Variants in CLSPN observed in about 807,000 individuals in gnomAD.
CLSPN encodes the protein claspin.
CLSPN carries 85 observed loss-of-function variants against 156.3 expected under a neutral mutation model. The ratio of observed to expected loss-of-function variants is 0.54; its 90% CI spans 0.46 to 0.65. The LOEUF (loss-of-function observed/expected upper bound fraction) is 0.65, where lower values mean the gene tolerates loss of function less well. CLSPN is among the 30% of genes least tolerant of loss of function. The pLI is 0.00. For missense variants in CLSPN, 1,407 were observed against 1,554.9 expected (o/e 0.90, Z 1.60); for synonymous variants, 534 against 542.4 (o/e 0.98, Z 0.22).
Position 35,733,497 on chromosome 1 carries a change from C to T in CLSPN, c.*2999G>A. The T allele has an allele frequency of 2.0e-6, 2 of 985,248 alleles. No homozygotes were observed. The highest frequency in any genetic ancestry group is 2.4e-6 in the Non-Finnish European group (2 of 829,884). 61.0% of individuals were successfully genotyped at this position (985,248 alleles called of 1,614,324 possible). On this transcript the variant is annotated 3_prime_UTR_variant, in exon 25 of 25. Coordinates refer to ENST00000318121, the MANE Select transcript of CLSPN (RefSeq NM_022111.4). The stretch of plus-strand genomic sequence containing the variant: ...TCCAATTGTCTTTTCTATCTCTCCT[C>T]AAAAGACATGTAGGGAAACAAGAGG...
chr1:35,734,714 A>G lies in CLSPN; in HGVS notation c.*1782T>C. ...AAGAAAAGAAAAGAAAAGAAAAAGA[A>G]AAAGAAAAGAAAAGAAAAACTGTAA... On this transcript the variant is annotated 3_prime_UTR_variant, in exon 25 of 25. Transcript: ENST00000318121. The G allele has an allele frequency of 1.0e-6, 1 of 958,782 alleles. No homozygotes were observed. 59.4% of individuals were successfully genotyped at this position (958,782 alleles called of 1,614,324 possible). A position where few individuals can be genotyped will look rare whatever the true frequency, so the allele number is the denominator to read the frequency against.
At position 35,769,964 on chromosome 1, in the gene CLSPN, T is replaced by C; in HGVS notation, c.-94A>G. 3.4e-6 allele frequency: 5 copies of C among 1,456,070 alleles called. No homozygotes were observed. Among genetic ancestry groups the C allele is most frequent in the Non-Finnish European group, 4.7e-6 (5 of 1,056,168 alleles). 90.2% of individuals were successfully genotyped at this position (1,456,070 alleles called of 1,614,324 possible). ...GCTCCCGCCGTCTCCAGCCCAGCAGTGCTGTTCTTGCTTTCCCGCCCAGCC... is the reference window on the plus strand; with the variant it reads ...GCTCCCGCCGTCTCCAGCCCAGCAGCGCTGTTCTTGCTTTCCCGCCCAGCC... On this transcript the variant is annotated 5_prime_UTR_variant, in exon 1 of 25. Transcript: ENST00000318121.
chr1:35,723,928 T>C (rs1641125844), intron 24 of CLSPN, among the ~76,000 whole-genome samples: 1 of 151,954 alleles, frequency 6.6e-6, no homozygotes, highest in African/African-American at 2.4e-5. Flanking sequence ...GAGGCAGAGG[T>C]TGCAGTGAGC....
rs1641418475 is a variant in CLSPN, at chr1:35,735,033, T to C, written c.*1463A>G. 1.0e-6 allele frequency: 1 copy of C among 985,300 alleles called. No individual in the cohort carries two copies. Among genetic ancestry groups the C allele is most frequent in the Non-Finnish European group, 1.2e-6 (1 of 829,922 alleles). The allele number at this position is 985,300 out of a possible 1,614,324, so 61.0% of individuals were successfully genotyped here. On this transcript the variant is annotated 3_prime_UTR_variant, in exon 25 of 25. Coordinates refer to ENST00000318121, the MANE Select transcript of CLSPN (RefSeq NM_022111.4). ...TCTCTCAAAATTAGTAATGAAATGC[T>C]GAAATGTCCATTGATTAGTGAGGGC...
In CLSPN at chr1:35,765,287, C is replaced by T. The variant is rs760150063; in HGVS notation, c.64G>A (p.Glu22Lys). 5.0e-6 allele frequency: 8 copies of T among 1,613,910 alleles called. No individual in the cohort carries two copies. Among genetic ancestry groups the T allele is most frequent in the Middle Eastern group, 1.7e-4 (1 of 6,060 alleles). The change falls in exon 2 of 25, where the codon GAG (glutamate) becomes AAG (lysine). Residue 22 changes from glutamate (E) to lysine (K), a missense_variant. By Grantham distance (56) the Glu-to-Lys change is moderately conservative. This residue lies in a region of CLSPN where 1,096 missense variants were observed against 1,193.0 expected (regional missense o/e 0.92). Coordinates refer to ENST00000318121, the MANE Select transcript of CLSPN (RefSeq NM_022111.4). The stretch of plus-strand genomic sequence containing the variant: ...CTATCTGAAGGACTATCTGCTTCCT[C>T]TTGTGAAATGACGTTTGGGTCATTG... ...EINDPNVISQ[E>K]EADSPSDSGQ...
At chr1:35,730,920 G>A (rs1641302220), downstream of CLSPN, among the ~76,000 whole-genome samples, 3 of 152,006 alleles carry the variant, frequency 2.0e-5, no homozygotes, top group Admixed American at 1.3e-4. Context: ...AGGGGTGTTA[G>A]GCTGGACTTG....
chr1:35,720,323 A>ATTTCTT (rs1225518138), exon 25 of CLSPN: 3 of 152,216 alleles, frequency 2.0e-5, no homozygotes, highest in Non-Finnish European at 4.4e-5. Flanking sequence ...CCAGCTAAGA[A>ATTTCTT]AATACAGGTG....
intron 2 of CLSPN, 72 bp from the exon 3 acceptor site, chr1:35,764,786 T>A: frequency 1.1e-6 from 1 of 930,698 alleles, no homozygotes; most frequent in Non-Finnish European, 1.6e-6. Context: ...TCCTCAAAAA[T>A]ATATTTTTAT....
chr1:35,766,294 C>T (rs1043067333), intron 1 of CLSPN, among the ~76,000 whole-genome samples: 1 of 149,130 alleles, frequency 6.7e-6, no homozygotes. Flanking sequence ...TGCACCCGGC[C>T]GGTTTCTTTA....
intron 1 of CLSPN, among the ~76,000 whole-genome samples, chr1:35,767,824 T>C (rs1314182854): frequency 1.3e-5 from 2 of 152,224 alleles, no homozygotes; most frequent in African/African-American, 2.4e-5. Flanking sequence ...GGGTTCATTA[T>C]ACCATCCTTT....
exon 25 of CLSPN, chr1:35,720,505 A>G (rs6658453): frequency 0.18 from 24,124 of 137,074 alleles, 3,226 homozygotes; most frequent in East Asian, 0.72. Context: ...GCTGGAGTGC[A>G]GTGGCGCAAT....
At chr1:35,740,686 T>A (rs1302400687) in intron 18 of CLSPN, among the ~76,000 whole-genome samples, 1 of 152,198 alleles carries the variant, frequency 6.6e-6, no homozygotes, top group Non-Finnish European at 1.5e-5. Context: ...CCCAAAGTGC[T>A]GGGATTACAG....
chr1:35,747,270 C>T (rs1271179495), intron 14 of CLSPN, among the ~76,000 whole-genome samples: 6 of 151,530 alleles, frequency 4.0e-5, no homozygotes, highest in East Asian at 1.9e-4. Context: ...TGCAGTGAGC[C>T]GAGATCGCGC....
chr1:35,728,923 C>A (rs942959997), downstream of CLSPN, among the ~76,000 whole-genome samples: 3 of 4,676 alleles, frequency 6.4e-4, no homozygotes, highest in African/African-American at 1.5e-3. Flanking sequence ...TCCCCTCAAA[C>A]ACACACACAC....
In CLSPN at chr1:35,760,927, G is replaced by A; in HGVS notation, c.1005-11C>T. The A allele has an allele frequency of 3.2e-6, 5 of 1,585,828 alleles. No homozygotes were observed. Among genetic ancestry groups the A allele is most frequent in the Non-Finnish European group, 4.3e-6 (5 of 1,159,608 alleles). On this transcript the variant is annotated splice_polypyrimidine_tract_variant and intron_variant, in intron 7 of 24. Coordinates refer to ENST00000318121, the MANE Select transcript of CLSPN (RefSeq NM_022111.4). ...TGATATTTAGATGACCTAGAGAAGA[G>A]AAATTGAGCTGGAGTTGAAAATTAT...
intron 24 of CLSPN, among the ~76,000 whole-genome samples, chr1:35,721,795 T>G (rs1215570066): frequency 2.0e-5 from 3 of 152,140 alleles, no homozygotes; most frequent in Non-Finnish European, 2.9e-5. Context: ...CTACCTCTTC[T>G]TGTTATGCAT....
At chr1:35,752,582 GA>G (rs58271996) in intron 9 of CLSPN, among the ~76,000 whole-genome samples, 46,661 of 67,892 alleles carry the variant, frequency 0.69, 15,587 homozygotes, top group South Asian at 0.77. Flanking sequence ...TGTCTTAGAG[GA>G]AAAAAAAAAA....
In CLSPN at chr1:35,738,074, A is replaced by G. The variant is rs770594526; in HGVS notation, c.3582T>C (p.Ala1194=). 3 of 1,425,360 alleles carry G rather than the reference A, an allele frequency of 2.1e-6. No homozygotes were observed. The East Asian group carries it at 7.5e-5, about 35-fold the overall frequency. The allele number at this position is 1,425,360 out of a possible 1,614,324, so 88.3% of individuals were successfully genotyped here. Reference sequence around the variant, plus strand: ...CCTCCCCAATTTCTTCTTCTTCTTCAGCTGTAATTTTCCCCTGCTGTGCCT... The same window carrying G: ...CCTCCCCAATTTCTTCTTCTTCTTCGGCTGTAATTTTCCCCTGCTGTGCCT... ...RDMAQQGKIT[A]EEEEEIGEDS... Residue 1194 remains alanine, a synonymous_variant, in exon 22 of 25, where the codon GCT becomes GCC. Transcript: ENST00000318121.
intron 12 of CLSPN, 75 bp downstream of exon 12, chr1:35,749,392 C>T (rs978608105): frequency 2.2e-6 from 3 of 1,350,948 alleles, no homozygotes; most frequent in Non-Finnish European, 3.1e-6. Flanking sequence ...TGGAAACTTA[C>T]CGTACTGCAG....
Sources: gnomAD v4.1 joint callset for allele counts (sites outside exome capture counted in the v4.1 genomes callset) on GRCh38, gnomAD v4.1.1 for gene constraint, gnomAD v4.1.1 regional missense constraint, MANE v1.5 for transcripts, NCBI Gene and HGNC (gene_info 2026-07-23, HGNC 2026-07-21) for gene names.